LAMA2: variants seen among roughly 807,000 people sequenced by gnomAD.
LAMA2 encodes laminin subunit alpha-2.
Under a neutral mutation model 364.8 loss-of-function variants are expected in LAMA2, and 269 were observed. The ratio of observed to expected loss-of-function variants is 0.74; its 90% confidence interval spans 0.67 to 0.82. The LOEUF (loss-of-function observed/expected upper bound fraction) is 0.82. Among genes scored for constraint, LAMA2 ranks in the 40% least tolerant of loss-of-function variants. LAMA2 has a pLI of 0.00. For missense variants in LAMA2, 3,807 were observed against 3,873.2 expected (o/e 0.98, Z 0.45); for synonymous variants, 1,379 against 1,370.6 (o/e 1.01, Z -0.14).
At chr6:129,370,022 G>A (rs1426647564) in intron 34 of LAMA2, 32 bp downstream of exon 34, 31 of 1,556,450 alleles carry the variant, frequency 2.0e-5, no homozygotes, top group African/African-American at 2.7e-5. Flanking sequence ...TCTTCTGAAA[G>A]CAGATAGATT....
At chr6:129,013,418 AAG>A (rs912729851) in intron 1 of LAMA2, among the ~76,000 whole-genome samples, 8 of 152,052 alleles carry the variant, frequency 5.3e-5, no homozygotes, top group Non-Finnish European at 8.8e-5. Flanking sequence ...GCCTGGGCGA[AAG>A]AGAGAGACTC....
At chr6:129,173,559 A>T (rs1000864512) in intron 9 of LAMA2, among the ~76,000 whole-genome samples, 2 of 152,184 alleles carry the variant, frequency 1.3e-5, no homozygotes, top group African/African-American at 4.8e-5. Flanking sequence ...TCACAGTTAC[A>T]TTCAGCTCTG....
rs1018636311 is a variant in LAMA2, at chr6:129,392,508, G to A, written c.5235-537G>A. 5.3e-5 allele frequency among the ~76,000 whole-genome samples: 8 copies of A among 152,116 alleles called. No individual in the cohort carries two copies. In the East Asian group the frequency reaches 9.7e-4, roughly 18 times the overall value. On this transcript the variant is annotated intron_variant, in intron 36 of 64. Transcript: ENST00000421865. ...AGTATTTAGAGTTTCTTAATGACTC[G>A]AAAATTATCACTTTAGAAAAACTAG...
chr6:129,073,192 C>T (rs1388096670), intron 3 of LAMA2, among the ~76,000 whole-genome samples: 1 of 151,948 alleles, frequency 6.6e-6, no homozygotes, highest in African/African-American at 2.4e-5. Flanking sequence ...TATATCCTAT[C>T]ATTATTACTT....
At chr6:129,191,691 G>A (rs1415133753) in intron 11 of LAMA2, among the ~76,000 whole-genome samples, 3 of 152,204 alleles carry the variant, frequency 2.0e-5, no homozygotes, top group Non-Finnish European at 2.9e-5. Flanking sequence ...TTAACTAAGG[G>A]AATTGCAGTG....
chr6:129,233,802 T>C (rs1231278883), intron 12 of LAMA2, among the ~76,000 whole-genome samples: 1 of 152,194 alleles, frequency 6.6e-6, no homozygotes, highest in African/African-American at 2.4e-5. Context: ...AGCAATGGGA[T>C]AAAAATATCA....
intron 1 of LAMA2, among the ~76,000 whole-genome samples, chr6:128,892,184 C>T (rs1776493763): frequency 6.6e-6 from 1 of 151,888 alleles, no homozygotes; most frequent in African/African-American, 2.4e-5. Flanking sequence ...TGAGGAGACC[C>T]TAAGAGACTA....
At chr6:129,202,187 C>CAAAAAAAAAAAAAAAAA (rs776190977) in intron 12 of LAMA2, among the ~76,000 whole-genome samples, 1 of 62,146 alleles carries the variant, frequency 1.6e-5, no homozygotes, top group African/African-American at 5.7e-5. Context: ...GAGTCTGTCT[C>CAAAAAAAAAAAAAAAAA]AAAAAAAAAA....
chr6:129,122,708 G>A (rs547206495), intron 4 of LAMA2, among the ~76,000 whole-genome samples: 2 of 152,058 alleles, frequency 1.3e-5, no homozygotes, highest in Admixed American at 1.3e-4. Flanking sequence ...ATATACTCCG[G>A]TTCCCCCACA....
intron 12 of LAMA2, among the ~76,000 whole-genome samples, chr6:129,214,262 A>T (rs1783285147): frequency 6.6e-6 from 1 of 152,174 alleles, no homozygotes; most frequent in Non-Finnish European, 1.5e-5. Context: ...TGGAAGAAAA[A>T]GTGGGCATGT....
rs1785801326 is a variant in LAMA2 at position 129,503,368 on chromosome 6, A to G, written c.8547+88A>G. On this transcript the variant is annotated intron_variant, in intron 60 of 64. Coordinates refer to ENST00000421865, the MANE Select transcript of LAMA2 (RefSeq NM_000426.4). ...TCTCCTGGTGCCAGTATATTTTGCC[A>G]GGGCAGACACTGACTCTGGCAGAAG... 8 of 1,261,882 alleles carry G rather than the reference A, an allele frequency of 6.3e-6. No individual in the cohort carries two copies. The Admixed American group carries it at 1.4e-4, about 22-fold the overall frequency. 78.2% of individuals were successfully genotyped at this position (1,261,882 alleles called of 1,614,324 possible). A position where few individuals can be genotyped will look rare whatever the true frequency, so the allele number is the denominator to read the frequency against.
At chr6:129,489,368 A>C (rs1442450889) in intron 56 of LAMA2, among the ~76,000 whole-genome samples, 1 of 151,616 alleles carries the variant, frequency 6.6e-6, no homozygotes, top group Non-Finnish European at 1.5e-5. Context: ...CCACCCCTTC[A>C]TCTGGAAAAA....
intron 1 of LAMA2, among the ~76,000 whole-genome samples, chr6:128,969,587 C>T (rs1582793568): frequency 6.6e-6 from 1 of 152,012 alleles, no homozygotes; most frequent in Admixed American, 6.6e-5. Flanking sequence ...CACGCCACTA[C>T]ACCCAGCAAA....
intron 4 of LAMA2, among the ~76,000 whole-genome samples, chr6:129,136,879 T>G (rs556009760): frequency 2.0e-5 from 3 of 152,144 alleles, no homozygotes; most frequent in Non-Finnish European, 4.4e-5. Flanking sequence ...AGGCACTTAG[T>G]GGTCAGTGTT....
intron 37 of LAMA2, among the ~76,000 whole-genome samples, chr6:129,400,217 T>C (rs146008855): frequency 6.0e-4 from 91 of 152,306 alleles, no homozygotes; most frequent in Non-Finnish European, 1.2e-3. Flanking sequence ...ATGAAGTCTC[T>C]GCTTCATGAC....
intron 1 of LAMA2, among the ~76,000 whole-genome samples, chr6:129,044,853 A>G (rs1390928146): frequency 6.6e-6 from 1 of 152,142 alleles, no homozygotes; most frequent in Non-Finnish European, 1.5e-5. Context: ...TCAGCTATTT[A>G]TAGTTAATTT....
intron 20 of LAMA2, among the ~76,000 whole-genome samples, chr6:129,296,278 T>C (rs2114446834): frequency 6.6e-6 from 1 of 152,104 alleles, no homozygotes; most frequent in Non-Finnish European, 1.5e-5. Flanking sequence ...CTAAGCCAGG[T>C]ATCTAAAATT....
intron 12 of LAMA2, among the ~76,000 whole-genome samples, chr6:129,220,986 A>G (rs1431730451): frequency 6.6e-6 from 1 of 152,098 alleles, no homozygotes; most frequent in Admixed American, 6.6e-5. Context: ...ACGCGGTGAA[A>G]CCCTGTCTCT....
chr6:129,094,159 A>C (rs1382829553), intron 3 of LAMA2, among the ~76,000 whole-genome samples: 1 of 152,234 alleles, frequency 6.6e-6, no homozygotes, highest in Non-Finnish European at 1.5e-5. Context: ...TACTCTCTGA[A>C]GCCTGCTAAG....
Sources: allele counts gnomAD v4.1 joint callset (sites outside exome capture counted in the v4.1 genomes callset), GRCh38; gene constraint gnomAD v4.1.1; transcripts MANE v1.5; gene names NCBI Gene and HGNC (gene_info 2026-07-23, HGNC 2026-07-21).